The following MBP variants were observed in gnomAD, a reference collection of about 807,000 sequenced individuals.
The protein encoded by MBP is myelin basic protein.
A neutral mutation model predicts 35.8 loss-of-function variants in MBP; 16 were observed. The observed-to-expected ratio is 0.45, with a 90% CI of 0.30 to 0.68. The LOEUF (loss-of-function observed/expected upper bound fraction) is 0.68, where lower values mean the gene tolerates loss of function less well. Among genes scored for constraint, MBP ranks in the 30% least tolerant of loss-of-function variants. MBP has a pLI of 0.08. For synonymous variants in MBP, 143 were observed against 159.6 expected (o/e 0.90, Z 0.78); for missense variants, 380 against 404.7 (o/e 0.94, Z 0.52).
chr18:77,038,889 G>A (rs1482061070), intron 3 of MBP, among the ~76,000 whole-genome samples: 1 of 152,288 alleles, frequency 6.6e-6, no homozygotes, highest in South Asian at 2.1e-4. Context: ...AGAACAACAC[G>A]ATATCACTGG....
chr18:77,029,005 GGGT>G (rs1280391111), intron 3 of MBP, among the ~76,000 whole-genome samples: 2 of 109,368 alleles, frequency 1.8e-5, no homozygotes, highest in East Asian at 2.7e-4. Flanking sequence ...TTCCCAGACG[GGGT>G]GGCGGCCGGG....
At position 76,988,482 on chromosome 18, in the gene MBP, G is replaced by C; in HGVS notation, c.750+13C>G. Reference sequence around the variant, plus strand: ...CGGAAGAGGAAGCCGATGGAAGTGCGTTCGTCACCTACCCAGCTAAATCTG... The same window carrying C: ...CGGAAGAGGAAGCCGATGGAAGTGCCTTCGTCACCTACCCAGCTAAATCTG... On this transcript the variant is annotated intron_variant, in intron 7 of 8. Coordinates refer to ENST00000355994, the MANE Select transcript of MBP (RefSeq NM_001025101.2). The surrounding 1 kb of genome is among the most constrained non-coding windows in gnomAD (Gnocchi z 5.2). 6.2e-7 allele frequency: 1 copy of C among 1,614,168 alleles called. No homozygotes were observed. Among genetic ancestry groups the C allele is most frequent in the Non-Finnish European group, 8.5e-7 (1 of 1,180,020 alleles).
intron 4 of MBP, among the ~76,000 whole-genome samples, chr18:77,012,591 A>C (rs1257208389): frequency 6.6e-6 from 1 of 152,036 alleles, no homozygotes; most frequent in African/African-American, 2.4e-5. Context: ...AGACAGTAAA[A>C]TGTCTCTGTG....
chr18:77,055,235 G>A (rs796897876), intron 3 of MBP, among the ~76,000 whole-genome samples: 6 of 152,196 alleles, frequency 3.9e-5, no homozygotes, highest in Non-Finnish European at 8.8e-5. Flanking sequence ...GGAGGAGCAG[G>A]GTCAGCAGAA....
At chr18:77,113,546 T>C (rs1180595835) in intron 1 of MBP, 3 of 152,294 alleles carry the variant, frequency 2.0e-5, no homozygotes, top group Admixed American at 6.5e-5. Context: ...TGCAGGGAAG[T>C]GGGAAGTAAG....
chr18:77,109,003 C>T (rs1976364968), intron 1 of MBP: 1 of 152,250 alleles, frequency 6.6e-6, no homozygotes, highest in Admixed American at 6.5e-5. Flanking sequence ...TAAAACTTGC[C>T]TTTCTGCACT....
intron 4 of MBP, among the ~76,000 whole-genome samples, chr18:76,995,199 T>C (rs1332042265): frequency 2.6e-5 from 4 of 152,216 alleles, no homozygotes; most frequent in Non-Finnish European, 5.9e-5. Context: ...AAAGTGAACT[T>C]ATAGAGAGAC....
At chr18:77,120,616 C>T (rs1250646314) in intron 1 of MBP, among the ~76,000 whole-genome samples, 4 of 152,192 alleles carry the variant, frequency 2.6e-5, no homozygotes, top group Non-Finnish European at 5.9e-5. Flanking sequence ...CATTGTTAGT[C>T]ACGAGGTCTA....
intron 2 of MBP, among the ~76,000 whole-genome samples, chr18:77,100,727 T>C (rs968205776): frequency 2.6e-5 from 4 of 151,940 alleles, no homozygotes; most frequent in Non-Finnish European, 4.4e-5. Context: ...AATTTTTTGA[T>C]TTTTTTGTAG....
At chr18:77,053,985 C>T (rs1973621424) in intron 3 of MBP, among the ~76,000 whole-genome samples, 1 of 152,240 alleles carries the variant, frequency 6.6e-6, no homozygotes, top group Non-Finnish European at 1.5e-5. Context: ...TCCTCTTGGC[C>T]CCCTCCTCGA....
At chr18:77,052,692 C>T (rs928583134) in intron 3 of MBP, among the ~76,000 whole-genome samples, 1 of 152,212 alleles carries the variant, frequency 6.6e-6, no homozygotes, top group Non-Finnish European at 1.5e-5. Flanking sequence ...CAGTGTCCCC[C>T]ACCCATCCAC....
intron 4 of MBP, among the ~76,000 whole-genome samples, chr18:76,996,951 A>C (rs1970302572): frequency 1.3e-5 from 2 of 152,184 alleles, no homozygotes; most frequent in African/African-American, 4.8e-5. Context: ...ATCACTGTGC[A>C]AATTTTCTGA....
intron 3 of MBP, among the ~76,000 whole-genome samples, chr18:77,061,856 A>T (rs79091172): frequency 0.013 from 1,920 of 152,368 alleles, 53 homozygotes; most frequent in East Asian, 0.11. Context: ...TAAACATTAA[A>T]CACAGATATT....
At chr18:77,116,966 TC>T (rs1976688836) in intron 1 of MBP, among the ~76,000 whole-genome samples, 1 of 152,202 alleles carries the variant, frequency 6.6e-6, no homozygotes, top group Non-Finnish European at 1.5e-5. Flanking sequence ...TGAGCTGTGC[TC>T]CTGGCTGCTA....
chr18:77,031,486 T>C (rs1972539451), intron 3 of MBP, among the ~76,000 whole-genome samples: 1 of 152,206 alleles, frequency 6.6e-6, no homozygotes, highest in Non-Finnish European at 1.5e-5. Flanking sequence ...GCAGGGAGTA[T>C]TCCATTTGTT....
chr18:77,058,198 C>A (rs1407385403), intron 3 of MBP, among the ~76,000 whole-genome samples: 2 of 152,176 alleles, frequency 1.3e-5, no homozygotes, highest in African/African-American at 4.8e-5. Context: ...AAGAGGCATC[C>A]CCTCCCCAGC....
chr18:77,078,152 T>C (rs1461621448), intron 2 of MBP, among the ~76,000 whole-genome samples: 1 of 152,252 alleles, frequency 6.6e-6, no homozygotes, highest in Non-Finnish European at 1.5e-5. Flanking sequence ...CCCTCTCATC[T>C]GTCTTGTGAT....
intron 1 of MBP, among the ~76,000 whole-genome samples, chr18:77,118,454 T>C (rs980167957): frequency 6.6e-6 from 1 of 151,936 alleles, no homozygotes; most frequent in Non-Finnish European, 1.5e-5. Flanking sequence ...ACCTGGATTT[T>C]TCCCACTGGA....
intron 2 of MBP, among the ~76,000 whole-genome samples, chr18:77,089,151 C>A (rs1975398578): frequency 6.6e-6 from 1 of 152,254 alleles, no homozygotes. Context: ...ACTGCCTTCT[C>A]CGAACTACAC....
Sources: allele counts gnomAD v4.1 joint callset (sites outside exome capture counted in the v4.1 genomes callset), GRCh38; gene constraint gnomAD v4.1.1; non-coding constraint Gnocchi (gnomAD v3.1); transcripts MANE v1.5; gene names NCBI Gene and HGNC (gene_info 2026-07-23, HGNC 2026-07-21).